TTBK2: variants seen among roughly 807,000 people sequenced by gnomAD.
TTBK2 encodes the protein tau-tubulin kinase 2.
A neutral mutation model predicts 110.8 loss-of-function variants in TTBK2; 28 were observed. The observed-to-expected ratio is 0.25, with a 90% CI of 0.19 to 0.35. The LOEUF is 0.35. TTBK2 is among the 10% of genes least tolerant of loss of function. The pLI is 1.00. For missense variants in TTBK2, 1,369 were observed against 1,500.3 expected (o/e 0.91, Z 1.45); for synonymous variants, 532 against 527.3 (o/e 1.01, Z -0.12).
intron 10 of TTBK2, among the ~76,000 whole-genome samples, chr15:42,788,997 C>T (rs1008617497): frequency 6.6e-6 from 1 of 152,156 alleles, no homozygotes; most frequent in African/African-American, 2.4e-5. Flanking sequence ...AACCTATCAA[C>T]TCACAGTTAC....
intron 3 of TTBK2, among the ~76,000 whole-genome samples, chr15:42,862,415 G>T (rs1323402488): frequency 6.6e-6 from 1 of 152,106 alleles, no homozygotes; most frequent in Non-Finnish European, 1.5e-5. Flanking sequence ...TTCTTGGGAT[G>T]CACAGTTGGT....
chr15:42,762,287 A>G (rs1333805704), intron 13 of TTBK2, among the ~76,000 whole-genome samples: 1 of 152,252 alleles, frequency 6.6e-6, no homozygotes, highest in Non-Finnish European at 1.5e-5. Flanking sequence ...CTACCATACA[A>G]TTCAGCAATC....
Position 42,752,314 on chromosome 15 carries a change from G to A in TTBK2, c.2932C>T (p.Leu978=), listed in dbSNP as rs1448269168. The part of the protein sequence containing the change: ...LLQKKAYQPD[L]VKLLVEKRQF... ...CTTTTTTCCACCAGAAGCTTGACTA[G>A]GTCTGGCTGATAGGCTTTCTTTTGG... The change falls in exon 14 of 15, where the codon CTA becomes TTA. Residue 978 remains leucine (L), a synonymous_variant. Coordinates refer to ENST00000267890, the MANE Select transcript of TTBK2 (RefSeq NM_173500.4). 3.7e-6 allele frequency: 6 copies of A among 1,614,112 alleles called. No homozygotes were observed. Among genetic ancestry groups the A allele is most frequent in the Non-Finnish European group, 5.1e-6 (6 of 1,180,058 alleles).
Position 42,840,365 on chromosome 15 carries a change from A to G in TTBK2, c.286T>C (p.Leu96=), listed in dbSNP as rs998729206. 3.1e-6 allele frequency: 5 copies of G among 1,613,798 alleles called. No homozygotes were observed. In the African/African-American group the frequency reaches 6.7e-5, roughly 22 times the overall value. Reference sequence around the variant, plus strand: ...ACGTTTTCAAGGTAACCTACCTGCAACTGCATGACCACATAGTTGAATCGA... The same window carrying G: ...ACGTTTTCAAGGTAACCTACCTGCAGCTGCATGACCACATAGTTGAATCGA... The part of the protein sequence containing the change: ...NDRFNYVVMQ[L]QGRNLADLRR... The change falls in exon 4 of 15, where the codon TTG becomes CTG. Residue 96 remains leucine (L), a synonymous_variant. Coordinates refer to ENST00000267890, the MANE Select transcript of TTBK2 (RefSeq NM_173500.4).
intron 3 of TTBK2, among the ~76,000 whole-genome samples, chr15:42,852,788 C>T (rs1187077433): frequency 1.3e-5 from 2 of 152,042 alleles, no homozygotes; most frequent in African/African-American, 2.4e-5. Flanking sequence ...CTCCATACAC[C>T]CTTTGGTGGA....
intron 3 of TTBK2, among the ~76,000 whole-genome samples, chr15:42,844,430 A>T (rs1893364487): frequency 6.6e-6 from 1 of 152,130 alleles, no homozygotes; most frequent in Non-Finnish European, 1.5e-5. Flanking sequence ...GTGGGGGCAC[A>T]TGCCTGTAGT....
rs1368443230 is a variant in TTBK2, at chr15:42,745,757, G to A, written c.*38C>T. ...GACACACATGCATCAGGTTTAGGAG[G>A]AAGATCTCACACCTTTCAAAGAGAT... On this transcript the variant is annotated 3_prime_UTR_variant, in exon 15 of 15. Transcript: ENST00000267890. 6.2e-7 allele frequency: 1 copy of A among 1,609,796 alleles called. No individual in the cohort carries two copies. The highest frequency in any genetic ancestry group is 1.7e-5 in the Admixed American group (1 of 59,998).
intron 6 of TTBK2, among the ~76,000 whole-genome samples, chr15:42,818,149 C>T (rs1892120239): frequency 6.6e-6 from 1 of 152,082 alleles, no homozygotes; most frequent in African/African-American, 2.4e-5. Context: ...AATCATAGTT[C>T]ACAGCAGCCT....
chr15:42,742,559 GCTAC>G lies in TTBK2; in HGVS notation c.*3232_*3235del, dbSNP rs1234030351. ...TTTGGCAGCAGAATTCAGGAGAAAT[GCTAC>G]CTAAAGTGATTGAGCTGTTGCTAAT... On this transcript the variant is annotated 3_prime_UTR_variant, in exon 15 of 15. Coordinates refer to ENST00000267890, the MANE Select transcript of TTBK2 (RefSeq NM_173500.4). The G allele has an allele frequency of 8.5e-5, 13 of 152,278 alleles. No individual in the cohort carries two copies. Among genetic ancestry groups the G allele is most frequent in the African/African-American group, 2.9e-4 (12 of 41,554 alleles). 9.4% of individuals were successfully genotyped at this position (152,278 alleles called of 1,614,324 possible).
intron 1 of TTBK2, among the ~76,000 whole-genome samples, chr15:42,909,088 A>AATTCAGGTTCT (rs1396216747): frequency 6.6e-6 from 1 of 152,180 alleles, no homozygotes; most frequent in African/African-American, 2.4e-5. Flanking sequence ...TAGCTTCTAG[A>AATTCAGGTTCT]ACCCACCTGA....
chr15:42,878,776 T>C, intron 1 of TTBK2, 92 bp from the exon 2 acceptor site: 1 of 1,452,156 alleles, frequency 6.9e-7, no homozygotes, highest in Admixed American at 2.0e-5. Flanking sequence ...CTACTAATAC[T>C]ATACACTAAT....
chr15:42,809,270 TTTG>T (rs1433584241), intron 9 of TTBK2, among the ~76,000 whole-genome samples: 1 of 152,216 alleles, frequency 6.6e-6, no homozygotes, highest in African/African-American at 2.4e-5. Flanking sequence ...ATTACCAAAC[TTTG>T]TTTTGTTATT....
intron 6 of TTBK2, among the ~76,000 whole-genome samples, chr15:42,819,077 A>G (rs1481619529): frequency 1.3e-5 from 2 of 151,488 alleles, no homozygotes; most frequent in Non-Finnish European, 2.9e-5. Flanking sequence ...CACACTTTTC[A>G]TTAGTATAAT....
At chr15:42,774,683 A>T (rs1243705055) in intron 13 of TTBK2, among the ~76,000 whole-genome samples, 1 of 152,192 alleles carries the variant, frequency 6.6e-6, no homozygotes, top group Non-Finnish European at 1.5e-5. Context: ...AATATGAAGT[A>T]TGAGAAATTC....
At chr15:42,919,034 T>A (rs577881394) in intron 1 of TTBK2, among the ~76,000 whole-genome samples, 11 of 152,284 alleles carry the variant, frequency 7.2e-5, no homozygotes, top group Admixed American at 2.6e-4. Context: ...TAACATTCTA[T>A]CATAAAAGAA....
At chr15:42,869,644 T>C (rs945779167) in intron 3 of TTBK2, among the ~76,000 whole-genome samples, 1 of 151,960 alleles carries the variant, frequency 6.6e-6, no homozygotes, top group Non-Finnish European at 1.5e-5. Flanking sequence ...ATGAAGATAG[T>C]AGAGCTGCAA....
At chr15:42,911,983 CACAA>C (rs2030782629) in intron 1 of TTBK2, among the ~76,000 whole-genome samples, 2 of 141,834 alleles carry the variant, frequency 1.4e-5, no homozygotes, top group Admixed American at 1.4e-4. Flanking sequence ...CACACACACA[CACAA>C]CTACAAAAGC....
rs1889837410 is a variant in TTBK2 at position 42,775,012 on chromosome 15, C to T, written c.1998+123G>A. The T allele has an allele frequency of 3.0e-6, 3 of 988,944 alleles. No homozygotes were observed. In the South Asian group the frequency reaches 4.1e-5, roughly 14 times the overall value. 61.3% of individuals were successfully genotyped at this position (988,944 alleles called of 1,614,324 possible). On this transcript the variant is annotated intron_variant, in intron 13 of 14. Transcript: ENST00000267890. ...GACTATAGAACTTAGTACAAAATCACTCCCTGGGCCATCTGCAAAATTTAG... is the reference window on the plus strand; with the variant it reads ...GACTATAGAACTTAGTACAAAATCATTCCCTGGGCCATCTGCAAAATTTAG...
In TTBK2 at chr15:42,754,482, G is replaced by A. The variant is rs138301723; in HGVS notation, c.1999-1235C>T. 9.7e-3 allele frequency among the ~76,000 whole-genome samples: 1,461 copies of A among 151,130 alleles called. 33 individuals carry two copies. Among genetic ancestry groups the A allele is most frequent in the African/African-American group, 0.034 (1,408 of 41,274 alleles). ...GCAATCTTGGCTCACCGCAACCTCC[G>A]CCTCCTGGGTTTACGTGATTCTCCC... On this transcript the variant is annotated intron_variant, in intron 13 of 14. Transcript: ENST00000267890.
Sources: gnomAD v4.1 joint callset for allele counts (sites outside exome capture counted in the v4.1 genomes callset) on GRCh38, gnomAD v4.1.1 for gene constraint, MANE v1.5 for transcripts, NCBI Gene and HGNC (gene_info 2026-07-23, HGNC 2026-07-21) for gene names.